PLD5: variants seen among roughly 807,000 people sequenced by gnomAD.
The protein encoded by PLD5 is inactive phospholipase D5.
PLD5 carries 36 observed loss-of-function variants against 61.1 expected under a neutral mutation model. The observed-to-expected ratio is 0.59, with a 90% CI of 0.45 to 0.78. PLD5 has a LOEUF of 0.78. PLD5 is among the 30% of genes least tolerant of loss of function. The pLI, the probability that PLD5 is intolerant of heterozygous loss-of-function variation, is 0.00. For missense variants in PLD5, 515 were observed against 644.4 expected (o/e 0.80, Z 2.17); for synonymous variants, 243 against 242.8 (o/e 1.00, Z -0.01).
intron 1 of PLD5, among the ~76,000 whole-genome samples, chr1:242,459,999 G>T (rs1667067799): frequency 6.6e-6 from 1 of 152,096 alleles, no homozygotes; most frequent in Non-Finnish European, 1.5e-5. Flanking sequence ...TGTTTCCCTG[G>T]ATTGTTTGTA....
At chr1:242,406,480 A>G (rs1664240077) in intron 1 of PLD5, among the ~76,000 whole-genome samples, 1 of 152,196 alleles carries the variant, frequency 6.6e-6, no homozygotes, top group Non-Finnish European at 1.5e-5. Flanking sequence ...TACAACCAGC[A>G]ATTCTGTGGA....
chr1:242,325,538 G>A (rs906148653), intron 2 of PLD5, among the ~76,000 whole-genome samples: 4 of 151,888 alleles, frequency 2.6e-5, no homozygotes, highest in Non-Finnish European at 5.9e-5. Context: ...TTGCTCTGTC[G>A]CCAGGCTGGA....
chr1:242,097,690 G>C (rs916668943), intron 9 of PLD5, among the ~76,000 whole-genome samples: 2 of 152,156 alleles, frequency 1.3e-5, no homozygotes, highest in Admixed American at 1.3e-4. Flanking sequence ...CTCCCATTCT[G>C]TAGGTTGCCT....
At chr1:242,141,272 C>A (rs1262991795) in intron 5 of PLD5, among the ~76,000 whole-genome samples, 1 of 152,132 alleles carries the variant, frequency 6.6e-6, no homozygotes, top group African/African-American at 2.4e-5. Context: ...TTCAAGGTCC[C>A]ATTGGACAGA....
In PLD5 at chr1:242,432,324, A is replaced by C. The variant is rs186881711; in HGVS notation, c.190-84082T>G. ...CTACCAAGGATAAAATATTAGAAGG[A>C]AGCTATTCATTCCTATTGGAAATCA... is the stretch of plus-strand genomic sequence containing the variant. On this transcript the variant is annotated intron_variant, in intron 1 of 9. Coordinates refer to ENST00000536534, the MANE Select transcript of PLD5 (RefSeq NM_001372062.1). Among the ~76,000 whole-genome samples, 91 of 152,316 alleles carry C rather than the reference A, an allele frequency of 6.0e-4. 1 individual carries two copies. The East Asian group carries it at 0.013, about 22-fold the overall frequency.
chr1:242,107,408 T>C (rs920924679), intron 8 of PLD5, among the ~76,000 whole-genome samples: 1 of 134,490 alleles, frequency 7.4e-6, no homozygotes, highest in Non-Finnish European at 1.6e-5. Context: ...CAAAACCCTA[T>C]CTCAAGAAAA....
chr1:242,390,082 G>A (rs564738312), intron 1 of PLD5, among the ~76,000 whole-genome samples: 5 of 46,632 alleles, frequency 1.1e-4, no homozygotes, highest in South Asian at 6.1e-4. Flanking sequence ...GTGCAGTGGC[G>A]CCATCTCACT....
In PLD5 at chr1:242,256,790, CTATCTAT is replaced by C. The variant is rs1372787933; in HGVS notation, c.607+8540_607+8546del. On this transcript the variant is annotated intron_variant, in intron 4 of 9. Transcript: ENST00000536534. The surrounding 1 kb of genome is among the most constrained non-coding windows in gnomAD (Gnocchi z 5.7). ...TCTATCTATCTATCTATCTATCTAT[CTATCTAT>C]TAATATCTATCTTTCTATGTATCTG... 4.3e-4 allele frequency among the ~76,000 whole-genome samples: 61 copies of C among 140,592 alleles called. 1 individual carries two copies. The highest frequency in any genetic ancestry group is 8.0e-4 in the Admixed American group (11 of 13,836). 92.2% of individuals were successfully genotyped at this position (140,592 alleles called of 152,430 possible).
At position 242,194,274 on chromosome 1, in the gene PLD5, G is replaced by T. The variant is rs1021944719; in HGVS notation, c.735+25714C>A. On this transcript the variant is annotated intron_variant, in intron 5 of 9. Transcript: ENST00000536534. ...GTATCTATTGCCATTATTTTGCTAG[G>T]GCCTATAAGTATGTGTGTTCTAGGG... Among the ~76,000 whole-genome samples the T allele has an allele frequency of 2.0e-5, 3 of 152,042 alleles. 1 individual carries two copies. Among genetic ancestry groups the T allele is most frequent in the Non-Finnish European group, 4.4e-5 (3 of 68,016 alleles).
intron 5 of PLD5, among the ~76,000 whole-genome samples, chr1:242,160,079 ATGGT>A (rs1178794409): frequency 2.6e-5 from 4 of 151,844 alleles, no homozygotes; most frequent in Non-Finnish European, 5.9e-5. Flanking sequence ...TGACACAGTC[ATGGT>A]TCACTGCAGC....
At chr1:242,246,121 G>T (rs1257664150) in intron 4 of PLD5, among the ~76,000 whole-genome samples, 1 of 152,030 alleles carries the variant, frequency 6.6e-6, no homozygotes, top group Admixed American at 6.6e-5. Context: ...TAATTCCAGT[G>T]CTTTGGGAGA....
intron 1 of PLD5, among the ~76,000 whole-genome samples, chr1:242,372,794 A>G (rs1335064236): frequency 6.6e-6 from 1 of 151,850 alleles, no homozygotes; most frequent in Admixed American, 6.6e-5. Flanking sequence ...AAATTAATTC[A>G]AGATGGATTA....
At chr1:242,240,195 T>C (rs954180917) in intron 4 of PLD5, among the ~76,000 whole-genome samples, 1 of 151,762 alleles carries the variant, frequency 6.6e-6, no homozygotes, top group Non-Finnish European at 1.5e-5. Context: ...TTCCATGGCC[T>C]CCACTGGCTT....
intron 4 of PLD5, among the ~76,000 whole-genome samples, chr1:242,220,477 A>G (rs916884439): frequency 1.3e-5 from 2 of 152,078 alleles, no homozygotes; most frequent in Admixed American, 1.3e-4. Flanking sequence ...GGTACACCAT[A>G]TGCAGTTTTC....
intron 1 of PLD5, among the ~76,000 whole-genome samples, chr1:242,364,625 A>G (rs1404568934): frequency 2.6e-5 from 4 of 152,128 alleles, no homozygotes; most frequent in Non-Finnish European, 4.4e-5. Flanking sequence ...TTGAGGCATG[A>G]GAATCGTTTA....
At chr1:242,448,580 T>G (rs1666646793) in intron 1 of PLD5, among the ~76,000 whole-genome samples, 1 of 152,184 alleles carries the variant, frequency 6.6e-6, no homozygotes. Flanking sequence ...CCATCTCCCG[T>G]GTTTTCCTCC....
intron 1 of PLD5, among the ~76,000 whole-genome samples, chr1:242,480,541 G>T (rs1667738303): frequency 6.6e-6 from 1 of 151,962 alleles, no homozygotes; most frequent in Non-Finnish European, 1.5e-5. Context: ...CTCTGCAAAA[G>T]ACACCATTAA....
At chr1:242,308,401 A>G (rs2149170294) in intron 2 of PLD5, among the ~76,000 whole-genome samples, 1 of 152,340 alleles carries the variant, frequency 6.6e-6, no homozygotes, top group South Asian at 2.1e-4. Flanking sequence ...TATTTCTTTG[A>G]AAATAACTTT....
intron 5 of PLD5, among the ~76,000 whole-genome samples, chr1:242,131,734 G>T (rs1262774305): frequency 6.6e-6 from 1 of 151,976 alleles, no homozygotes; most frequent in African/African-American, 2.4e-5. Context: ...CTTGCCATGT[G>T]CTTGTCCTCC....
Sources: allele counts gnomAD v4.1 joint callset (sites outside exome capture counted in the v4.1 genomes callset), GRCh38; gene constraint gnomAD v4.1.1; non-coding constraint Gnocchi (gnomAD v3.1); transcripts MANE v1.5; gene names NCBI Gene and HGNC (gene_info 2026-07-23, HGNC 2026-07-21).